The following NLGN1 variants were observed in gnomAD, a reference collection of about 807,000 sequenced individuals.
NLGN1 encodes neuroligin 1.
NLGN1 carries 12 observed loss-of-function variants against 65.5 expected under a neutral mutation model. The ratio of observed to expected loss-of-function variants is 0.18; its 90% confidence interval spans 0.12 to 0.30. The LOEUF (loss-of-function observed/expected upper bound fraction) is 0.30, where lower values mean the gene tolerates loss of function less well. NLGN1 is among the 10% of genes least tolerant of loss of function. The probability of loss-of-function intolerance (pLI) is 1.00; values close to 1 mark genes in which losing one functional copy is unlikely to be tolerated. For missense variants in NLGN1, 750 were observed against 1,007.1 expected (o/e 0.74, Z 3.46); for synonymous variants, 350 against 359.5 (o/e 0.97, Z 0.30).
intron 4 of NLGN1, among the ~76,000 whole-genome samples, chr3:173,871,320 G>C (rs1396129711): frequency 6.6e-6 from 1 of 152,184 alleles, no homozygotes; most frequent in Non-Finnish European, 1.5e-5. Flanking sequence ...AGCTGGAATA[G>C]AGTTGCAAAT....
At chr3:173,879,588 A>G (rs546569538) in intron 4 of NLGN1, among the ~76,000 whole-genome samples, 7 of 151,264 alleles carry the variant, frequency 4.6e-5, no homozygotes, top group Admixed American at 2.6e-4. Flanking sequence ...TTTAGAATCA[A>G]TTTTCATTAG....
exon 7 of NLGN1, chr3:174,285,148 G>A (rs1482232822): frequency 6.6e-6 from 1 of 151,326 alleles, no homozygotes; most frequent in African/African-American, 2.4e-5. Flanking sequence ...AAATTACTGG[G>A]ATTCTTTTCT....
chr3:173,445,519 G>T (rs555377887), intron 2 of NLGN1, among the ~76,000 whole-genome samples: 2 of 152,322 alleles, frequency 1.3e-5, no homozygotes, highest in East Asian at 3.9e-4. Flanking sequence ...CTCATAGCTA[G>T]TACATGGCTG....
chr3:173,985,068 G>T (rs768955236), intron 4 of NLGN1, among the ~76,000 whole-genome samples: 6 of 152,056 alleles, frequency 3.9e-5, no homozygotes, highest in Non-Finnish European at 8.8e-5. Context: ...AAAATTGCCT[G>T]GTGCCAAACT....
At chr3:173,828,342 G>A (rs896131863) in intron 4 of NLGN1, among the ~76,000 whole-genome samples, 1 of 152,008 alleles carries the variant, frequency 6.6e-6, no homozygotes, top group Non-Finnish European at 1.5e-5. Flanking sequence ...AAACTAGGAG[G>A]TCTAAAACAC....
chr3:173,503,238 T>C (rs1731449618), intron 2 of NLGN1, among the ~76,000 whole-genome samples: 2 of 152,102 alleles, frequency 1.3e-5, no homozygotes, highest in African/African-American at 4.8e-5. Context: ...TAAGTAAATA[T>C]ATAAGAATTC....
chr3:173,695,932 C>T (rs1377183609), intron 3 of NLGN1, among the ~76,000 whole-genome samples: 1 of 152,160 alleles, frequency 6.6e-6, no homozygotes, highest in Non-Finnish European at 1.5e-5. Flanking sequence ...CAATGTCAGC[C>T]TCCTGAGTAG....
intron 4 of NLGN1, among the ~76,000 whole-genome samples, chr3:174,189,043 A>G (rs1731913584): frequency 6.6e-6 from 1 of 152,006 alleles, no homozygotes; most frequent in African/African-American, 2.4e-5. Context: ...TTTCACAATG[A>G]TTAGAAAGGC....
chr3:173,660,015 T>C (rs1577799428), intron 3 of NLGN1, among the ~76,000 whole-genome samples: 1 of 152,106 alleles, frequency 6.6e-6, no homozygotes, highest in East Asian at 1.9e-4. Flanking sequence ...TTCCTCCTTC[T>C]ATACTTTGTT....
intron 4 of NLGN1, among the ~76,000 whole-genome samples, chr3:174,264,998 G>A (rs929621811): frequency 1.2e-4 from 19 of 152,240 alleles, no homozygotes; most frequent in Admixed American, 9.2e-4. Context: ...GCTGCTCGGG[G>A]GTCAGGGGTC....
chr3:173,732,887 T>G (rs953673517), intron 3 of NLGN1, among the ~76,000 whole-genome samples: 1 of 151,702 alleles, frequency 6.6e-6, no homozygotes, highest in African/African-American at 2.4e-5. Context: ...TATTATAAAA[T>G]TATTATGATA....
chr3:174,028,277 G>A (rs1302860025), intron 4 of NLGN1, among the ~76,000 whole-genome samples: 1 of 152,180 alleles, frequency 6.6e-6, no homozygotes. Flanking sequence ...AAGAAGACAG[G>A]AAGATGTGGG....
At chr3:174,001,275 G>A (rs1175148139) in intron 4 of NLGN1, among the ~76,000 whole-genome samples, 1 of 151,800 alleles carries the variant, frequency 6.6e-6, no homozygotes, top group East Asian at 1.9e-4. Context: ...ACACTGAGAG[G>A]GTCAGCGAGA....
chr3:174,150,942 T>C (rs1445867334), intron 4 of NLGN1, among the ~76,000 whole-genome samples: 1 of 152,102 alleles, frequency 6.6e-6, no homozygotes, highest in Admixed American at 6.6e-5. Context: ...AGCCATACTC[T>C]ATCTAGCAGG....
chr3:173,600,601 T>TTTTTTTTTTTTTTTTTTTTTTTAAAA (rs56376347), intron 2 of NLGN1, among the ~76,000 whole-genome samples: 1 of 146,998 alleles, frequency 6.8e-6, no homozygotes, highest in African/African-American at 2.5e-5. Flanking sequence ...TCTTTTTTTT[T>TTTTTTTTTTTTTTTTTTTTTTTAAAA]AGAAAAAGAT....
chr3:174,008,504 C>T (rs1284401303), intron 4 of NLGN1, among the ~76,000 whole-genome samples: 1 of 152,022 alleles, frequency 6.6e-6, no homozygotes, highest in East Asian at 1.9e-4. Context: ...GTTTTTTTCT[C>T]ACCTATGTCC....
chr3:173,637,412 A>G (rs1034631375), intron 3 of NLGN1, among the ~76,000 whole-genome samples: 3 of 152,138 alleles, frequency 2.0e-5, no homozygotes, highest in African/African-American at 7.2e-5. Context: ...AATGACCCCT[A>G]TTGGTGTGAA....
At chr3:173,550,069 G>T (rs990943093) in intron 2 of NLGN1, among the ~76,000 whole-genome samples, 10 of 151,980 alleles carry the variant, frequency 6.6e-5, no homozygotes, top group African/African-American at 2.2e-4. Context: ...CCTGTTGTTG[G>T]TTCAGTCAAG....
At chr3:173,728,397 A>G (rs1393019237) in intron 3 of NLGN1, among the ~76,000 whole-genome samples, 2 of 152,094 alleles carry the variant, frequency 1.3e-5, no homozygotes, top group Non-Finnish European at 2.9e-5. Context: ...GGAGGACAAT[A>G]TATAACAGAG....
Sources: gnomAD v4.1 joint callset for allele counts (sites outside exome capture counted in the v4.1 genomes callset) on GRCh38, gnomAD v4.1.1 for gene constraint, MANE v1.5 for transcripts, NCBI Gene and HGNC (gene_info 2026-07-23, HGNC 2026-07-21) for gene names.